The following MYO1E variants were observed in gnomAD, a reference collection of about 807,000 sequenced individuals.
The protein encoded by MYO1E is unconventional myosin-Ie.
MYO1E carries 68 observed loss-of-function variants against 151.1 expected under a neutral mutation model. That is an observed-to-expected ratio of 0.45 (90% CI 0.37 to 0.55). MYO1E has a LOEUF of 0.55. Among genes scored for constraint, MYO1E ranks in the 20% least tolerant of loss-of-function variants. The pLI, the probability that MYO1E is intolerant of heterozygous loss-of-function variation, is 0.00. For synonymous variants in MYO1E, 601 were observed against 501.7 expected (o/e 1.20, Z -2.64); for missense variants, 1,363 against 1,389.3 (o/e 0.98, Z 0.30).
chr15:59,348,192 C>A (rs1218206359), intron 1 of MYO1E, among the ~76,000 whole-genome samples: 1 of 152,112 alleles, frequency 6.6e-6, no homozygotes, highest in Non-Finnish European at 1.5e-5. Context: ...GCCTTGACAG[C>A]GATGAAACCC....
In MYO1E at chr15:59,138,387, G is replaced by A. The variant is rs199747557; in HGVS notation, c.3081-20C>T. ...CTGACCCTGTGGAGAGAGTGGAGCA[G>A]ATGAGACTGGGCCCCAACAGGGGGC... is the stretch of plus-strand genomic sequence containing the variant. On this transcript the variant is annotated intron_variant, in intron 26 of 27. Transcript: ENST00000288235. 2.5e-6 allele frequency: 4 copies of A among 1,613,390 alleles called. No individual in the cohort carries two copies. Among genetic ancestry groups the A allele is most frequent in the Non-Finnish European group, 3.4e-6 (4 of 1,179,850 alleles).
At chr15:59,213,707 C>T (rs536520367) in intron 12 of MYO1E, among the ~76,000 whole-genome samples, 3 of 152,148 alleles carry the variant, frequency 2.0e-5, no homozygotes, top group Non-Finnish European at 2.9e-5. Flanking sequence ...GCAATTCTCC[C>T]GACTCGGCCT....
At chr15:59,142,972 G>C (rs1241232500) in intron 26 of MYO1E, among the ~76,000 whole-genome samples, 1 of 146,038 alleles carries the variant, frequency 6.8e-6, no homozygotes, top group Non-Finnish European at 1.5e-5. Flanking sequence ...ACTAGAGATC[G>C]TAAGTCTCAT....
chr15:59,206,930 A>G (rs373872321), intron 14 of MYO1E: 7 of 1,604,454 alleles, frequency 4.4e-6, no homozygotes, highest in Non-Finnish European at 6.0e-6. Flanking sequence ...CCACTTCTTC[A>G]GTGAGCAGCC....
chr15:59,210,378 A>G, intron 13 of MYO1E, 136 bp downstream of exon 13: 1 of 703,640 alleles, frequency 1.4e-6, no homozygotes, highest in East Asian at 2.7e-5. Context: ...CACATACAGA[A>G]AACTAGTACA....
chr15:59,255,026 A>C (rs980096487), intron 4 of MYO1E, among the ~76,000 whole-genome samples: 46 of 152,062 alleles, frequency 3.0e-4, no homozygotes, highest in Non-Finnish European at 5.0e-4. Flanking sequence ...GGGTTTCCCC[A>C]TGTTGCCAAG....
At chr15:59,182,940 A>G (rs1426665527) in intron 18 of MYO1E, among the ~76,000 whole-genome samples, 2 of 152,168 alleles carry the variant, frequency 1.3e-5, no homozygotes, top group African/African-American at 4.8e-5. Context: ...CAGGCATTAG[A>G]TTCTCAAAAG....
At chr15:59,165,720 G>C (rs1246324292) in intron 22 of MYO1E, among the ~76,000 whole-genome samples, 4 of 152,200 alleles carry the variant, frequency 2.6e-5, no homozygotes, top group African/African-American at 9.7e-5. Context: ...GCTCAAAAGA[G>C]CTCTTCCAAG....
rs573770387 is a variant in MYO1E, at chr15:59,133,984, C to G, written c.*3396G>C. On this transcript the variant is annotated 3_prime_UTR_variant, in exon 28 of 28. Transcript: ENST00000288235. ...ATTCATAAAGGCACATCCATATTTT[C>G]TCTTACTCATTTTTGTGAACACTTC... is the stretch of plus-strand genomic sequence containing the variant. 1 of 152,332 alleles carries G rather than the reference C, an allele frequency of 6.6e-6. No individual in the cohort carries two copies. The highest frequency in any genetic ancestry group is 2.1e-4 in the South Asian group (1 of 4,824). The allele number at this position is 152,332 out of a possible 1,614,324, so 9.4% of individuals were successfully genotyped here.
At chr15:59,168,795 ATT>A (rs1339578576) in intron 22 of MYO1E, among the ~76,000 whole-genome samples, 5 of 151,828 alleles carry the variant, frequency 3.3e-5, no homozygotes, top group Non-Finnish European at 7.4e-5. Context: ...TAATTTTCAC[ATT>A]TTTTGTAGAG....
chr15:59,183,817 T>A (rs1172773518), intron 18 of MYO1E, among the ~76,000 whole-genome samples: 3 of 152,172 alleles, frequency 2.0e-5, no homozygotes, highest in African/African-American at 7.2e-5. Context: ...CATCTGCACC[T>A]CCCTTCCCCT....
rs1362400645 is a variant in MYO1E at position 59,350,771 on chromosome 15, A to C, written c.3+21727T>G. ...TGCAAGATGACATAGTTTAGTCACA[A>C]ATAAATAACTCTATGGTAAGGGCCA... is the stretch of plus-strand genomic sequence containing the variant. On this transcript the variant is annotated intron_variant, in intron 1 of 27. Transcript: ENST00000288235. This position sits in a 1 kb window ranked among gnomAD's most constrained non-coding sequence, Gnocchi z 5.0. 6.6e-6 allele frequency among the ~76,000 whole-genome samples: 1 copy of C among 152,274 alleles called. No individual in the cohort carries two copies. Among genetic ancestry groups the C allele is most frequent in the Non-Finnish European group, 1.5e-5 (1 of 68,052 alleles).
chr15:59,249,291 G>A (rs1325973037), intron 4 of MYO1E, among the ~76,000 whole-genome samples: 7 of 152,076 alleles, frequency 4.6e-5, no homozygotes, highest in Non-Finnish European at 8.8e-5. Context: ...TGGGTGTGGT[G>A]GCAGGTGCCT....
chr15:59,318,931 G>A (rs1263125100), intron 1 of MYO1E, among the ~76,000 whole-genome samples: 1 of 152,052 alleles, frequency 6.6e-6, no homozygotes, highest in Non-Finnish European at 1.5e-5. Flanking sequence ...CCTCAGAGAA[G>A]ACATGACAGT....
At chr15:59,229,560 TGAAAA>T (rs1441100552) in intron 6 of MYO1E, among the ~76,000 whole-genome samples, 1 of 152,236 alleles carries the variant, frequency 6.6e-6, no homozygotes, top group Non-Finnish European at 1.5e-5. Flanking sequence ...GATAATGAAA[TGAAAA>T]GAAGTTTCAC....
chr15:59,212,350 C>T (rs1344535705), intron 12 of MYO1E, among the ~76,000 whole-genome samples: 1 of 151,994 alleles, frequency 6.6e-6, no homozygotes, highest in Non-Finnish European at 1.5e-5. Context: ...CAACCAAGGG[C>T]AGGTTCCAGG....
At chr15:59,206,836 C>A (rs2079837637) in intron 14 of MYO1E, 2 of 1,201,050 alleles carry the variant, frequency 1.7e-6, no homozygotes, top group Non-Finnish European at 2.3e-6. Context: ...GCACGCGCAC[C>A]TGCCGTAGAG....
chr15:59,331,187 T>C (rs1172254783), intron 1 of MYO1E, among the ~76,000 whole-genome samples: 4 of 152,230 alleles, frequency 2.6e-5, no homozygotes, highest in African/African-American at 9.6e-5. Flanking sequence ...AAATATTTAC[T>C]ATCTAGCCTT....
chr15:59,302,705 G>A (rs1048963481), intron 1 of MYO1E, among the ~76,000 whole-genome samples: 1 of 152,112 alleles, frequency 6.6e-6, no homozygotes, highest in Non-Finnish European at 1.5e-5. Flanking sequence ...GACACACCTT[G>A]GGGCTTGATC....
Sources: gnomAD v4.1 joint callset for allele counts (sites outside exome capture counted in the v4.1 genomes callset) on GRCh38, gnomAD v4.1.1 for gene constraint, Gnocchi (gnomAD v3.1) non-coding constraint, MANE v1.5 for transcripts, NCBI Gene and HGNC (gene_info 2026-07-23, HGNC 2026-07-21) for gene names.